LRMDA: variants seen among roughly 807,000 people sequenced by gnomAD.
LRMDA encodes leucine-rich melanocyte differentiation-associated protein.
A neutral mutation model predicts 29.8 loss-of-function variants in LRMDA; 18 were observed. The ratio of observed to expected loss-of-function variants is 0.60; its 90% CI spans 0.42 to 0.90. LRMDA has a LOEUF of 0.90. LRMDA is among the 40% of genes least tolerant of loss of function. LRMDA has a pLI of 0.00. For missense variants in LRMDA, 273 were observed against 273.9 expected (o/e 1.00, Z 0.02); for synonymous variants, 125 against 109.4 (o/e 1.14, Z -0.89).
At position 76,076,495 on chromosome 10, in the gene LRMDA, A is replaced by G. The variant is rs553842561; in HGVS notation, c.516+17712A>G. On this transcript the variant is annotated intron_variant, in intron 5 of 6. Coordinates refer to ENST00000611255, the MANE Select transcript of LRMDA (RefSeq NM_001305581.2). ...AATGTGAAGATAGAGAGTGGGAAGC[A>G]TTGTCACGCACGTGATCTCATTTTA... Among the ~76,000 whole-genome samples, 5 of 152,070 alleles carry G rather than the reference A, an allele frequency of 3.3e-5. No individual in the cohort carries two copies. In the South Asian group the frequency reaches 1.0e-3, roughly 32 times the overall value.
intron 5 of LRMDA, among the ~76,000 whole-genome samples, chr10:76,127,392 T>C (rs1453834537): frequency 6.6e-6 from 1 of 152,222 alleles, no homozygotes; most frequent in African/African-American, 2.4e-5. Context: ...CGAAATATAC[T>C]GGCTGCAGCA....
chr10:76,252,888 ACACAGGT>A, intron 5 of LRMDA, among the ~76,000 whole-genome samples: 1 of 152,324 alleles, frequency 6.6e-6, no homozygotes, highest in South Asian at 2.1e-4. Context: ...AGCAATACTC[ACACAGGT>A]CACCAGGCAG....
At chr10:76,091,083 G>C (rs1449912121) in intron 5 of LRMDA, among the ~76,000 whole-genome samples, 1 of 152,202 alleles carries the variant, frequency 6.6e-6, no homozygotes, top group Non-Finnish European at 1.5e-5. Context: ...CACTGCTGCT[G>C]TTTACTTGCT....
At chr10:75,767,238 G>A in intron 2 of LRMDA, among the ~76,000 whole-genome samples, 1 of 152,152 alleles carries the variant, frequency 6.6e-6, no homozygotes, top group East Asian at 1.9e-4. Context: ...CACAATGCTA[G>A]AACTAATTTA....
chr10:75,442,905 T>C (rs1844345455), intron 2 of LRMDA, among the ~76,000 whole-genome samples: 1 of 152,158 alleles, frequency 6.6e-6, no homozygotes, highest in Admixed American at 6.5e-5. Context: ...GTTTTCATTG[T>C]ACAGCTCTTT....
intron 2 of LRMDA, among the ~76,000 whole-genome samples, chr10:75,540,111 C>T (rs1839998745): frequency 6.6e-6 from 1 of 152,098 alleles, no homozygotes; most frequent in African/African-American, 2.4e-5. Context: ...AACATTATAC[C>T]ATATTGAAAA....
At chr10:75,589,777 T>TAG (rs796093885) in intron 2 of LRMDA, among the ~76,000 whole-genome samples, 8 of 135,564 alleles carry the variant, frequency 5.9e-5, no homozygotes, top group South Asian at 4.7e-4. Flanking sequence ...TATATATATA[T>TAG]AGAGAGAGAG....
intron 2 of LRMDA, among the ~76,000 whole-genome samples, chr10:75,519,118 T>G (rs994970396): frequency 6.6e-6 from 1 of 152,212 alleles, no homozygotes; most frequent in Non-Finnish European, 1.5e-5. Context: ...GTGTTTTACT[T>G]CTAATTCTGT....
chr10:76,179,838 C>T (rs1463075085), intron 5 of LRMDA, among the ~76,000 whole-genome samples: 1 of 152,190 alleles, frequency 6.6e-6, no homozygotes, highest in Non-Finnish European at 1.5e-5. Context: ...GAGGTTTCTA[C>T]ATGGGGAATC....
Position 76,559,109 on chromosome 10 carries a change from A to G in LRMDA, c.*1821A>G, listed in dbSNP as rs1164448533. On this transcript the variant is annotated 3_prime_UTR_variant, in exon 7 of 7. Transcript: ENST00000611255. ...AATATGGGCAGCCAGAATTCTGTGC[A>G]AGGGCAGCTAGACGAGTCAGATGTC... 6.6e-6 allele frequency: 1 copy of G among 152,198 alleles called. No individual in the cohort carries two copies. The highest frequency in any genetic ancestry group is 2.4e-5 in the African/African-American group (1 of 41,464). 9.4% of individuals were successfully genotyped at this position (152,198 alleles called of 1,614,324 possible).
In LRMDA at chr10:76,379,161, T is replaced by TTGTGTGTGTGTGTG. The variant is rs57245101; in HGVS notation, c.601+54704_601+54717dup. 3.8e-4 allele frequency among the ~76,000 whole-genome samples: 52 copies of TTGTGTGTGTGTGTG among 137,932 alleles called. 1 individual carries two copies. The highest frequency in any genetic ancestry group is 1.5e-3 in the South Asian group (6 of 4,108). The allele number at this position is 137,932 out of a possible 152,430, so 90.5% of individuals were successfully genotyped here. ...CGTGAGCCACTGTGCCTGGCCTTCT[T>TTGTGTGTGTGTGTG]TGTGTGTGTGTGTGTGTGTGTGTGT... On this transcript the variant is annotated intron_variant, in intron 6 of 6. Transcript: ENST00000611255.
chr10:76,363,161 GA>G (rs1554815849), intron 6 of LRMDA, among the ~76,000 whole-genome samples: 53 of 39,458 alleles, frequency 1.3e-3, no homozygotes, highest in South Asian at 2.6e-3. Flanking sequence ...AAGAAAGAAA[GA>G]AAGAAAGAAA....
At chr10:76,306,522 G>C (rs541160793) in intron 5 of LRMDA, among the ~76,000 whole-genome samples, 51 of 152,234 alleles carry the variant, frequency 3.4e-4, no homozygotes, top group African/African-American at 1.2e-3. Flanking sequence ...ATCTTCAGGG[G>C]CTTACCTAAG....
intron 2 of LRMDA, among the ~76,000 whole-genome samples, chr10:75,621,554 G>A (rs1336533270): frequency 1.3e-5 from 2 of 152,184 alleles, no homozygotes; most frequent in South Asian, 2.1e-4. Flanking sequence ...ACTGTGCCCA[G>A]TGTTGCTTCG....
intron 2 of LRMDA, among the ~76,000 whole-genome samples, chr10:75,996,735 G>GTT (rs1332967445): frequency 2.0e-4 from 28 of 139,628 alleles, no homozygotes; most frequent in East Asian, 1.2e-3. Flanking sequence ...TTTGTTTGGT[G>GTT]TTTTTTTTTT....
At chr10:76,534,377 T>C (rs563797861) in intron 6 of LRMDA, among the ~76,000 whole-genome samples, 1 of 152,286 alleles carries the variant, frequency 6.6e-6, no homozygotes, top group East Asian at 1.9e-4. Flanking sequence ...GTGGAAGGGA[T>C]GCGTGGCAGT....
chr10:75,785,839 A>G (rs1843462856), intron 2 of LRMDA, among the ~76,000 whole-genome samples: 1 of 152,200 alleles, frequency 6.6e-6, no homozygotes. Flanking sequence ...CCTGCCTTCG[A>G]TTTTATCAAA....
intron 2 of LRMDA, among the ~76,000 whole-genome samples, chr10:75,464,789 A>G (rs1844629720): frequency 6.6e-6 from 1 of 152,176 alleles, no homozygotes; most frequent in African/African-American, 2.4e-5. Context: ...TCATCAGAGG[A>G]TCAAGGAAGG....
chr10:75,557,420 C>T (rs145704306), intron 2 of LRMDA, among the ~76,000 whole-genome samples: 95 of 152,086 alleles, frequency 6.2e-4, no homozygotes, highest in East Asian at 3.3e-3. Context: ...ACCAATAAAG[C>T]CTGACTTTTT....
Sources: allele counts gnomAD v4.1 joint callset (sites outside exome capture counted in the v4.1 genomes callset), GRCh38; gene constraint gnomAD v4.1.1; transcripts MANE v1.5; gene names NCBI Gene and HGNC (gene_info 2026-07-23, HGNC 2026-07-21).